Variants in KIF24 observed in about 807,000 individuals in gnomAD.
KIF24 encodes kinesin-like protein KIF24.
KIF24 carries 81 observed loss-of-function variants against 118.9 expected under a neutral mutation model. The observed-to-expected ratio is 0.68, with a 90% CI of 0.57 to 0.82. KIF24 has a LOEUF of 0.82. Ranked by LOEUF, KIF24 falls within the 40% of genes least tolerant of loss-of-function variation. KIF24 has a pLI of 0.00. For missense variants in KIF24, 1,560 were observed against 1,661.6 expected, an observed-to-expected ratio of 0.94 and a Z score of 1.06; for synonymous variants, 599 against 610.0, an observed-to-expected ratio of 0.98 and a Z score of 0.27.
intron 2 of KIF24, among the ~76,000 whole-genome samples, chr9:34,308,366 C>A (rs916900340): frequency 1.1e-4 from 17 of 151,982 alleles, no homozygotes; most frequent in African/African-American, 4.1e-4. Context: ...TCACTGCAAC[C>A]TCTGCCTCCT....
intron 1 of KIF24, among the ~76,000 whole-genome samples, chr9:34,321,269 C>T (rs915642083): frequency 4.6e-5 from 7 of 151,646 alleles, no homozygotes; most frequent in Admixed American, 1.3e-4. Flanking sequence ...AAAGTGTTTG[C>T]GCAGTAGTAA....
chr9:34,325,529 C>CA (rs1837646996), intron 1 of KIF24, among the ~76,000 whole-genome samples: 1 of 151,692 alleles, frequency 6.6e-6, no homozygotes, highest in Non-Finnish European at 1.5e-5. Context: ...CCCATCTCCA[C>CA]AAAAAATACA....
chr9:34,268,615 C>G (rs767858266), intron 8 of KIF24, among the ~76,000 whole-genome samples: 1 of 150,378 alleles, frequency 6.6e-6, no homozygotes, highest in South Asian at 2.1e-4. Flanking sequence ...TCAAGCGATT[C>G]TCCTGCCTCA....
Position 34,290,285 on chromosome 9 carries a change from T to C in KIF24, c.1016A>G (p.Asp339Gly), listed in dbSNP as rs765496765. 3 of 1,613,538 alleles carry C rather than the reference T, an allele frequency of 1.9e-6. No homozygotes were observed. The highest frequency in any genetic ancestry group is 1.7e-5 in the Admixed American group (1 of 60,024). Residue 339 changes from aspartate (D) to glycine (G), a missense_variant, in exon 5 of 13, where the codon GAT (aspartate) becomes GGT (glycine). Transcript: ENST00000402558. ...GGACACTTCTAGTTGCCTGAAGATA[T>C]CTTTGGCAGCTAGAGCATACAATCC... ...NPGLYALAAKDIFRQLEVSQP... is the reference protein window; with the variant it reads ...NPGLYALAAKGIFRQLEVSQP...
chr9:34,328,310 C>T (rs1837744771), intron 1 of KIF24, among the ~76,000 whole-genome samples: 1 of 152,140 alleles, frequency 6.6e-6, no homozygotes, highest in Non-Finnish European at 1.5e-5. Context: ...ACAATAGCTG[C>T]CGGTCACTAA....
At chr9:34,314,225 G>A (rs1362789831) in intron 1 of KIF24, among the ~76,000 whole-genome samples, 2 of 151,980 alleles carry the variant, frequency 1.3e-5, no homozygotes, top group African/African-American at 4.8e-5. Flanking sequence ...GTGCAGTGGT[G>A]CAATCTTGGC....
intron 3 of KIF24, among the ~76,000 whole-genome samples, chr9:34,298,544 C>CAAA (rs5897564): frequency 7.4e-6 from 1 of 135,970 alleles, no homozygotes; most frequent in Non-Finnish European, 1.5e-5. Flanking sequence ...AACTCCATCT[C>CAAA]AAAAAAAAAA....
intron 1 of KIF24, among the ~76,000 whole-genome samples, chr9:34,327,835 T>TAACA (rs771567066): frequency 1.6e-5 from 1 of 60,926 alleles, no homozygotes; most frequent in South Asian, 1.2e-3. Flanking sequence ...ACATTTTCTC[T>TAACA]AATAAAAAAA....
upstream of KIF24, among the ~76,000 whole-genome samples, chr9:34,333,191 A>G (rs560012723): frequency 3.9e-5 from 6 of 152,328 alleles, no homozygotes; most frequent in African/African-American, 1.2e-4. Flanking sequence ...TAGGAGCCTG[A>G]GGCTACATTT....
rs768119208 is a variant in KIF24 at position 34,256,271 on chromosome 9, C to A, written c.3336G>T (p.Leu1112=). Residue 1112 remains leucine, a synonymous_variant, in exon 11 of 13, where the codon CTG becomes CTT. Coordinates refer to ENST00000402558, the MANE Select transcript of KIF24 (RefSeq NM_194313.4). ...TATCAGGGGGAGATGAGGACAGCCA[C>A]AGGTGCCTAGTTGCTGAAGACACTG... is the stretch of plus-strand genomic sequence containing the variant. The part of the protein sequence containing the change: ...ALPVSSATRH[L]WLSSSPPDNK... 6.2e-7 allele frequency: 1 copy of A among 1,609,186 alleles called. No individual in the cohort carries two copies. The highest frequency in any genetic ancestry group is 8.5e-7 in the Non-Finnish European group (1 of 1,177,424).
chr9:34,294,544 G>A (rs983798230), intron 4 of KIF24, among the ~76,000 whole-genome samples: 12 of 64,828 alleles, frequency 1.9e-4, no homozygotes, highest in East Asian at 1.5e-3. Flanking sequence ...GTGAAACTCC[G>A]TCTCAAAAAA....
rs562290453 is a variant in KIF24 at position 34,305,233 on chromosome 9, C to A, written c.813+1019G>T. Among the ~76,000 whole-genome samples, 10 of 152,304 alleles carry A rather than the reference C, an allele frequency of 6.6e-5. 2 individuals are homozygous for A. In the South Asian group the frequency reaches 2.1e-3, roughly 32 times the overall value. ...CATAATCACTCTAGCAGGCAGTGAA[C>A]ATTATTTACATGGCTGAGTTATTAG... is the stretch of plus-strand genomic sequence containing the variant. On this transcript the variant is annotated intron_variant, in intron 3 of 12. Transcript: ENST00000402558.
At chr9:34,268,538 C>T (rs547229669) in intron 8 of KIF24, among the ~76,000 whole-genome samples, 2 of 130,454 alleles carry the variant, frequency 1.5e-5, no homozygotes, top group South Asian at 4.8e-4. Flanking sequence ...GACTGAGTCT[C>T]ACTCTGTCAC....
At position 34,269,380 on chromosome 9, in the gene KIF24, C is replaced by T. The variant is rs1835415186; in HGVS notation, c.1338-18G>A. 1.7e-6 allele frequency: 2 copies of T among 1,149,360 alleles called. No homozygotes were observed. The highest frequency in any genetic ancestry group is 1.3e-6 in the Non-Finnish European group (1 of 778,380). The allele number at this position is 1,149,360 out of a possible 1,614,324, so 71.2% of individuals were successfully genotyped here. On this transcript the variant is annotated intron_variant, in intron 7 of 12. Transcript: ENST00000402558. ...AAGAGATCCTAGAGAAAAGACACAG[C>T]AGGAGTGACTTCTGTGAAGCTTTAT...
chr9:34,327,284 A>G (rs1024321550), intron 1 of KIF24, among the ~76,000 whole-genome samples: 30 of 152,124 alleles, frequency 2.0e-4, no homozygotes, highest in Non-Finnish European at 3.5e-4. Flanking sequence ...TTAATATATC[A>G]GGCATCATAG....
intron 6 of KIF24, among the ~76,000 whole-genome samples, chr9:34,285,800 A>T (rs908670814): frequency 6.6e-6 from 1 of 151,070 alleles, no homozygotes; most frequent in African/African-American, 2.4e-5. Context: ...AAATTAAAAA[A>T]AAATTAGCCA....
At chr9:34,271,294 T>C (rs537821061) in intron 7 of KIF24, among the ~76,000 whole-genome samples, 2 of 135,074 alleles carry the variant, frequency 1.5e-5, no homozygotes, top group South Asian at 2.2e-4. Context: ...CTTAGGTAAT[T>C]ACATAGAAAC....
chr9:34,313,376 T>C (rs533199954), intron 1 of KIF24, among the ~76,000 whole-genome samples: 2 of 152,308 alleles, frequency 1.3e-5, no homozygotes, highest in South Asian at 2.1e-4. Context: ...AAAATGATAA[T>C]TGTTTTAAGC....
At chr9:34,282,081 C>T (rs1484447767) in intron 6 of KIF24, among the ~76,000 whole-genome samples, 1 of 152,162 alleles carries the variant, frequency 6.6e-6, no homozygotes, top group Non-Finnish European at 1.5e-5. Flanking sequence ...AACCTTTGTA[C>T]ATGAATGTTC....
Sources: gnomAD v4.1 joint callset for allele counts (sites outside exome capture counted in the v4.1 genomes callset) on GRCh38, gnomAD v4.1.1 for gene constraint, MANE v1.5 for transcripts, NCBI Gene and HGNC (gene_info 2026-07-23, HGNC 2026-07-21) for gene names.